The following CCDC178 variants were observed in gnomAD, a reference collection of about 807,000 sequenced individuals.
CCDC178 encodes coiled-coil domain-containing protein 178.
CCDC178 carries 126 observed loss-of-function variants against 117.4 expected under a neutral mutation model. The ratio of observed to expected loss-of-function variants is 1.07; its 90% confidence interval spans 0.93 to 1.24. The LOEUF is 1.24. CCDC178 is among the 50% of genes most tolerant of loss of function. The probability of loss-of-function intolerance (pLI) is 0.00; values close to 1 mark genes in which losing one functional copy is unlikely to be tolerated. For missense variants in CCDC178, 1,030 were observed against 986.9 expected, an observed-to-expected ratio of 1.04 and a Z score of -0.59; for synonymous variants, 283 against 313.4, an observed-to-expected ratio of 0.90 and a Z score of 1.02.
intron 21 of CCDC178, among the ~76,000 whole-genome samples, chr18:33,070,934 A>G (rs2057097876): frequency 1.3e-5 from 2 of 152,290 alleles, no homozygotes; most frequent in South Asian, 4.1e-4. Context: ...GACACATTAC[A>G]AAGATACAAC....
intron 22 of CCDC178, among the ~76,000 whole-genome samples, chr18:32,938,708 T>C (rs1333731936): frequency 2.0e-5 from 3 of 152,180 alleles, no homozygotes; most frequent in Non-Finnish European, 4.4e-5. Flanking sequence ...GCTGCAGTAA[T>C]GTAGGATCCC....
chr18:33,337,236 A>G (rs778943279), intron 9 of CCDC178, among the ~76,000 whole-genome samples: 72 of 151,318 alleles, frequency 4.8e-4, no homozygotes, highest in Non-Finnish European at 8.7e-4. Flanking sequence ...TGTGTACATT[A>G]ATTTTTGTAC....
chr18:33,148,318 G>A (rs1180231865), intron 20 of CCDC178, among the ~76,000 whole-genome samples: 1 of 152,280 alleles, frequency 6.6e-6, no homozygotes, highest in East Asian at 1.9e-4. Context: ...CAGGCACTCG[G>A]CAGCCTGAGG....
chr18:33,064,711 C>A (rs2056981152), intron 21 of CCDC178, among the ~76,000 whole-genome samples: 3 of 152,116 alleles, frequency 2.0e-5, no homozygotes, highest in Non-Finnish European at 2.9e-5. Flanking sequence ...TCCCAATACT[C>A]CATATATATC....
intron 22 of CCDC178, chr18:32,954,597 A>G (rs1186340513): frequency 6.6e-6 from 1 of 152,174 alleles, no homozygotes; most frequent in Non-Finnish European, 1.5e-5. Flanking sequence ...ATGCCTGGAT[A>G]TATAGAAGCA....
rs34459126 is a variant in CCDC178 at position 33,065,027 on chromosome 18, G to GA, written c.2388+27733dup. ...ATGTTCTCACTCATGTGTGGAATTG[G>GA]AAAAAAAAAAAAAAAAGAGTTGACA... On this transcript the variant is annotated intron_variant, in intron 21 of 22. Transcript: ENST00000383096. 2.9e-3 allele frequency among the ~76,000 whole-genome samples: 358 copies of GA among 125,170 alleles called. 1 individual carries two copies. Among genetic ancestry groups the GA allele is most frequent in the Middle Eastern group, 4.1e-3 (1 of 246 alleles). The allele number at this position is 125,170 out of a possible 152,430, so 82.1% of individuals were successfully genotyped here.
chr18:33,067,874 A>G (rs2057044025), intron 21 of CCDC178, among the ~76,000 whole-genome samples: 1 of 151,978 alleles, frequency 6.6e-6, no homozygotes, highest in Admixed American at 6.6e-5. Context: ...GAAAAAAAGA[A>G]GAATTAACAA....
chr18:33,214,708 T>A (rs1366803190), intron 19 of CCDC178, among the ~76,000 whole-genome samples: 1 of 152,040 alleles, frequency 6.6e-6, no homozygotes, highest in East Asian at 1.9e-4. Flanking sequence ...AGCTGAATTA[T>A]CATGTTGAAA....
intron 21 of CCDC178, among the ~76,000 whole-genome samples, chr18:33,007,566 G>A (rs2055776992): frequency 1.3e-5 from 2 of 152,048 alleles, no homozygotes; most frequent in African/African-American, 4.8e-5. Context: ...CAAAGTCAAG[G>A]AAACAGAATC....
chr18:33,097,711 T>G (rs570684538), intron 20 of CCDC178, among the ~76,000 whole-genome samples: 13 of 152,064 alleles, frequency 8.5e-5, no homozygotes, highest in South Asian at 4.1e-4. Context: ...ATTAAATAAT[T>G]AAATCAAATA....
chr18:33,315,576 G>A (rs904237186), intron 11 of CCDC178, among the ~76,000 whole-genome samples: 21 of 152,216 alleles, frequency 1.4e-4, no homozygotes, highest in Non-Finnish European at 2.6e-4. Flanking sequence ...AAAAAGGTAG[G>A]CTTATACCCA....
chr18:33,158,485 TA>T (rs538665113), intron 20 of CCDC178, among the ~76,000 whole-genome samples: 191 of 152,188 alleles, frequency 1.3e-3, no homozygotes, highest in Non-Finnish European at 2.4e-3. Flanking sequence ...TTTTGCAATT[TA>T]AAAAAACTAA....
At chr18:32,971,638 C>A (rs896239284) in intron 22 of CCDC178, among the ~76,000 whole-genome samples, 1 of 152,140 alleles carries the variant, frequency 6.6e-6, no homozygotes, top group African/African-American at 2.4e-5. Flanking sequence ...ACATTCCCAT[C>A]AAAAATGTAA....
intron 12 of CCDC178, among the ~76,000 whole-genome samples, chr18:33,276,708 C>G (rs529265066): frequency 6.6e-6 from 1 of 151,942 alleles, no homozygotes; most frequent in East Asian, 1.9e-4. Context: ...TGACCTAAGG[C>G]TTAATGGTGA....
intron 2 of CCDC178, among the ~76,000 whole-genome samples, chr18:33,414,422 C>T (rs1356996157): frequency 3.3e-5 from 5 of 152,102 alleles, no homozygotes; most frequent in Admixed American, 6.6e-5. Context: ...TAATCTTTGA[C>T]AAACCTGACA....
At chr18:33,436,271 C>T (rs72949726) in intron 2 of CCDC178, among the ~76,000 whole-genome samples, 3,330 of 152,206 alleles carry the variant, frequency 0.022, 51 homozygotes, top group Non-Finnish European at 0.033. Context: ...AGCAGAAGGT[C>T]ATGAATGACC....
intron 20 of CCDC178, among the ~76,000 whole-genome samples, chr18:33,169,785 T>A (rs2058576544): frequency 6.6e-6 from 1 of 152,180 alleles, no homozygotes; most frequent in Non-Finnish European, 1.5e-5. Context: ...ATGGCTTGAT[T>A]ATATTAGAAA....
intron 20 of CCDC178, among the ~76,000 whole-genome samples, chr18:33,161,694 T>C (rs2144384037): frequency 6.6e-6 from 1 of 152,248 alleles, no homozygotes; most frequent in African/African-American, 2.4e-5. Context: ...GGAGACTTAC[T>C]ATAAATAAGA....
At chr18:33,163,084 G>C (rs1445083224) in intron 20 of CCDC178, among the ~76,000 whole-genome samples, 1 of 151,816 alleles carries the variant, frequency 6.6e-6, no homozygotes, top group African/African-American at 2.4e-5. Flanking sequence ...CCACAACCTC[G>C]CCAGTATCTG....
Sources: gnomAD v4.1 joint callset for allele counts (sites outside exome capture counted in the v4.1 genomes callset) on GRCh38, gnomAD v4.1.1 for gene constraint, MANE v1.5 for transcripts, NCBI Gene and HGNC (gene_info 2026-07-23, HGNC 2026-07-21) for gene names.